Variants in SLCO1B3 observed in about 807,000 individuals in gnomAD.
SLCO1B3 encodes the protein solute carrier organic anion transporter family member 1B3.
In SLCO1B3, 72 loss-of-function variants were observed where a neutral mutation model predicts 71.8. That is an observed-to-expected ratio of 1.00 (90% CI 0.83 to 1.22). The LOEUF (loss-of-function observed/expected upper bound fraction) is 1.22. Ranked by LOEUF, SLCO1B3 falls within the 50% of genes most tolerant of loss-of-function variation. The pLI is 0.00. For synonymous variants in SLCO1B3, 298 were observed against 278.4 expected (o/e 1.07, Z -0.70); for missense variants, 911 against 819.7 (o/e 1.11, Z -1.36).
intron 14 of SLCO1B3, 64 bp downstream of exon 14, chr12:20,898,564 G>A: frequency 1.4e-6 from 1 of 721,404 alleles, no homozygotes; most frequent in Non-Finnish European, 2.3e-6. Context: ...ACTAAAGACT[G>A]AATGCAATTA....
Position 20,863,109 on chromosome 12 carries a change from T to C in SLCO1B3, c.727+255T>C, listed in dbSNP as rs74067339. Among the ~76,000 whole-genome samples the C allele has an allele frequency of 4.5e-3, 678 of 152,304 alleles. 8 individuals carry two copies. The highest frequency in any genetic ancestry group is 0.015 in the African/African-American group (642 of 41,562). On this transcript the variant is annotated intron_variant, in intron 8 of 15. Coordinates refer to ENST00000381545, the MANE Select transcript of SLCO1B3 (RefSeq NM_019844.4). The stretch of plus-strand genomic sequence containing the variant: ...ATTACTTGATCCAAAATAACCAAAC[T>C]TGAAATGTCCCTTTCCCAAAACTGA...
chr12:20,866,525 T>A (rs1004433138), intron 8 of SLCO1B3, among the ~76,000 whole-genome samples: 2 of 152,078 alleles, frequency 1.3e-5, no homozygotes, highest in Non-Finnish European at 2.9e-5. Context: ...AGTGAATGAT[T>A]TAAAGCTGGA....
At chr12:20,864,001 C>T (rs1419391123) in intron 8 of SLCO1B3, among the ~76,000 whole-genome samples, 4 of 151,996 alleles carry the variant, frequency 2.6e-5, no homozygotes, top group African/African-American at 9.7e-5. Context: ...GTCTCATCGT[C>T]TGATTTCCAA....
At position 20,880,915 on chromosome 12, in the gene SLCO1B3, T is replaced by C. The variant is rs1197903379; in HGVS notation, c.1392T>C (p.Asn464=). 1.2e-6 allele frequency: 2 copies of C among 1,611,744 alleles called. No homozygotes were observed. The highest frequency in any genetic ancestry group is 1.7e-6 in the Non-Finnish European group (2 of 1,177,984). The stretch of plus-strand genomic sequence containing the variant: ...TTTCTTATTGCAACTCAGAGTGCAA[T>C]TGTGATGAAAGTCAGTGGGAACCAG... ...VPLSYCNSEC[N]CDESQWEPVC... The change falls in exon 12 of 16, where the codon AAT becomes AAC. Residue 464 remains asparagine (N), a synonymous_variant. Coordinates refer to ENST00000381545, the MANE Select transcript of SLCO1B3 (RefSeq NM_019844.4).
In SLCO1B3 at chr12:20,916,562, T is replaced by A. The variant is rs1015667225; in HGVS notation, c.*315T>A. 1 of 173,098 alleles carries A rather than the reference T, an allele frequency of 5.8e-6. No homozygotes were observed. The highest frequency in any genetic ancestry group is 2.4e-5 in the African/African-American group (1 of 41,914). 10.7% of individuals were successfully genotyped at this position (173,098 alleles called of 1,614,324 possible). A position where few individuals can be genotyped will look rare whatever the true frequency, so the allele number is the denominator to read the frequency against. The stretch of plus-strand genomic sequence containing the variant: ...AGGTAAAAAGGACAAGATAGATTAA[T>A]AGCCTAAATAAAGAGAAAAGCCTGA... On this transcript the variant is annotated 3_prime_UTR_variant, in exon 16 of 16. Transcript: ENST00000381545.
At chr12:20,865,081 GT>G (rs1865345420) in intron 8 of SLCO1B3, among the ~76,000 whole-genome samples, 1 of 152,096 alleles carries the variant, frequency 6.6e-6, no homozygotes, top group African/African-American at 2.4e-5. Context: ...TTTTAAGATT[GT>G]GTGTGAGCCA....
Position 20,916,273 on chromosome 12 carries a change from A to G in SLCO1B3, c.*26A>G, listed in dbSNP as rs1458417238. Reference sequence around the variant, plus strand: ...CATTGCATTGATTCATTAAGATGTTATTTTTGAGGTGTTCCTGGTCTTTCA... The same window carrying G: ...CATTGCATTGATTCATTAAGATGTTGTTTTTGAGGTGTTCCTGGTCTTTCA... On this transcript the variant is annotated 3_prime_UTR_variant, in exon 16 of 16. Transcript: ENST00000381545. The G allele has an allele frequency of 1.9e-6, 3 of 1,600,704 alleles. No homozygotes were observed. Among genetic ancestry groups the G allele is most frequent in the Non-Finnish European group, 2.6e-6 (3 of 1,172,440 alleles).
intron 4 of SLCO1B3, 135 bp from the exon 5 acceptor site, chr12:20,858,304 C>A: frequency 1.6e-6 from 1 of 618,590 alleles, no homozygotes; most frequent in Non-Finnish European, 2.8e-6. Context: ...GAGAGTTTAC[C>A]TTCACAGTTA....
intron 14 of SLCO1B3, among the ~76,000 whole-genome samples, chr12:20,899,156 T>A (rs1349656949): frequency 6.6e-6 from 1 of 152,220 alleles, no homozygotes; most frequent in Non-Finnish European, 1.5e-5. Flanking sequence ...TATTTCTAAA[T>A]ATTCAAAAGT....
intron 8 of SLCO1B3, among the ~76,000 whole-genome samples, chr12:20,873,800 C>T (rs947080033): frequency 2.0e-5 from 3 of 152,116 alleles, no homozygotes; most frequent in African/African-American, 7.2e-5. Flanking sequence ...GTATTGTTCC[C>T]CTCTTTGTGT....
chr12:20,823,691 G>A (rs529031916), intron 3 of SLCO1B3, among the ~76,000 whole-genome samples: 20 of 152,258 alleles, frequency 1.3e-4, no homozygotes, highest in South Asian at 2.1e-4. Flanking sequence ...AAGATTAGAC[G>A]TTTGTGAATG....
chr12:20,821,912 T>C (rs930747291), intron 3 of SLCO1B3, among the ~76,000 whole-genome samples: 12 of 152,038 alleles, frequency 7.9e-5, no homozygotes, highest in Non-Finnish European at 1.6e-4. Flanking sequence ...TTTGTCTCTA[T>C]CCGAAAATGA....
chr12:20,811,584 A>C (rs1451531167), intron 1 of SLCO1B3, among the ~76,000 whole-genome samples: 1 of 152,178 alleles, frequency 6.6e-6, no homozygotes, highest in Non-Finnish European at 1.5e-5. Context: ...AAATATGAAA[A>C]GCTAAACAGA....
At chr12:20,828,202 C>T (rs919444097) in intron 3 of SLCO1B3, among the ~76,000 whole-genome samples, 6 of 151,350 alleles carry the variant, frequency 4.0e-5, no homozygotes, top group South Asian at 2.1e-4. Context: ...AATGCTTTTA[C>T]GGTGCACTTG....
chr12:20,840,899 G>A (rs1606917), intron 3 of SLCO1B3, among the ~76,000 whole-genome samples: 80,981 of 151,506 alleles, frequency 0.53, 24,154 homozygotes, highest in South Asian at 0.77. Context: ...ATTTCAAAAT[G>A]ATTCCTTTCT....
chr12:20,848,171 A>G (rs1016915837), intron 3 of SLCO1B3, among the ~76,000 whole-genome samples: 7 of 152,338 alleles, frequency 4.6e-5, no homozygotes, highest in African/African-American at 1.4e-4. Context: ...ATAAAATGGG[A>G]AAAAGATCTG....
At chr12:20,872,829 A>G (rs997941309) in intron 8 of SLCO1B3, among the ~76,000 whole-genome samples, 3 of 152,164 alleles carry the variant, frequency 2.0e-5, no homozygotes, top group Non-Finnish European at 2.9e-5. Context: ...TTAGAAAAAA[A>G]GAATCACCTC....
intron 8 of SLCO1B3, among the ~76,000 whole-genome samples, chr12:20,865,195 C>CA: frequency 6.6e-6 from 1 of 152,062 alleles, no homozygotes; most frequent in South Asian, 2.1e-4. Context: ...ACATTTCTGA[C>CA]AGGTGATAAG....
At chr12:20,863,946 A>AT (rs200980650) in intron 8 of SLCO1B3, among the ~76,000 whole-genome samples, 3,115 of 151,040 alleles carry the variant, frequency 0.021, 112 homozygotes, top group African/African-American at 0.071. Context: ...TTCTTCTTAG[A>AT]TTTTTTTTTA....
Sources: allele counts gnomAD v4.1 joint callset (sites outside exome capture counted in the v4.1 genomes callset), GRCh38; gene constraint gnomAD v4.1.1; transcripts MANE v1.5; gene names NCBI Gene and HGNC (gene_info 2026-07-23, HGNC 2026-07-21).